ANO3: variants seen among roughly 807,000 people sequenced by gnomAD.
ANO3 encodes anoctamin 3.
In ANO3, 99 loss-of-function variants were observed where a neutral mutation model predicts 144.8. The ratio of observed to expected loss-of-function variants is 0.68; its 90% confidence interval spans 0.58 to 0.81. ANO3 has a LOEUF of 0.81. Ranked by LOEUF, ANO3 falls within the 30% of genes least tolerant of loss-of-function variation. ANO3 has a pLI of 0.00. For missense variants in ANO3, 905 were observed against 1,202.2 expected (o/e 0.75, Z 3.66); for synonymous variants, 414 against 392.6 (o/e 1.05, Z -0.64).
chr11:26,327,752 T>A (rs1391529669), upstream of ANO3, among the ~76,000 whole-genome samples: 1 of 152,220 alleles, frequency 6.6e-6, no homozygotes, highest in Non-Finnish European at 1.5e-5. Flanking sequence ...TAATGTACGA[T>A]GAGTTTGAAC....
chr11:26,571,379 T>C (rs900334409), intron 14 of ANO3, among the ~76,000 whole-genome samples: 6 of 152,282 alleles, frequency 3.9e-5, no homozygotes, highest in Non-Finnish European at 7.4e-5. Context: ...TAAGAAATTT[T>C]ACCACATTTT....
intron 1 of ANO3, among the ~76,000 whole-genome samples, chr11:26,350,585 T>G: frequency 6.6e-6 from 1 of 152,288 alleles, no homozygotes; most frequent in Admixed American, 6.5e-5. Flanking sequence ...TAATTCTGTG[T>G]TTAAGTGAAT....
chr11:26,436,286 C>T (rs1429252907), intron 1 of ANO3, among the ~76,000 whole-genome samples: 1 of 152,216 alleles, frequency 6.6e-6, no homozygotes, highest in Non-Finnish European at 1.5e-5. Flanking sequence ...GCCCCTCACA[C>T]CAGGAGCTTT....
intron 1 of ANO3, among the ~76,000 whole-genome samples, chr11:26,293,308 A>T (rs755467468): frequency 3.2e-4 from 49 of 151,876 alleles, no homozygotes; most frequent in Non-Finnish European, 4.9e-4. Flanking sequence ...TTGAAAAAAT[A>T]TATAAATAGA....
intron 17 of ANO3, among the ~76,000 whole-genome samples, chr11:26,623,879 C>T (rs1048248651): frequency 3.3e-5 from 5 of 152,068 alleles, no homozygotes; most frequent in African/African-American, 9.7e-5. Flanking sequence ...TTCTGCCTCC[C>T]GGTTTCACGT....
At chr11:26,437,893 A>G (rs1025137352) in intron 1 of ANO3, among the ~76,000 whole-genome samples, 3 of 152,232 alleles carry the variant, frequency 2.0e-5, no homozygotes, top group African/African-American at 7.2e-5. Flanking sequence ...AAAACAATTA[A>G]TCAAGACAAA....
At chr11:26,293,098 T>G (rs1214553436) in intron 1 of ANO3, among the ~76,000 whole-genome samples, 1 of 152,194 alleles carries the variant, frequency 6.6e-6, no homozygotes, top group Non-Finnish European at 1.5e-5. Context: ...CAGCTTCACT[T>G]TAATCCAAAT....
intron 1 of ANO3, among the ~76,000 whole-genome samples, chr11:26,435,020 T>A (rs767037242): frequency 5.8e-4 from 88 of 152,296 alleles, no homozygotes; most frequent in Admixed American, 1.2e-3. Context: ...AGGGTAGTGT[T>A]AAAGACTCCC....
Position 26,285,761 on chromosome 11 carries a change from GAC to G in ANO3, c.155-23883_155-23882del, listed in dbSNP as rs1319679170. ...TGGTTTCAGATACAATGATGGGGCT[GAC>G]CTGGGTGTCCCTTCCCTTTGTCATA... is the stretch of plus-strand genomic sequence containing the variant. On this transcript the variant is annotated intron_variant, in intron 1 of 27. Transcript: ENST00000672621. 8 of 152,168 alleles carry G rather than the reference GAC, an allele frequency of 5.3e-5. No homozygotes were observed. The East Asian group carries it at 1.3e-3, about 26-fold the overall frequency. The allele number at this position is 152,168 out of a possible 1,614,324, so 9.4% of individuals were successfully genotyped here.
chr11:26,630,396 A>G (rs1852737947), intron 18 of ANO3, among the ~76,000 whole-genome samples: 1 of 152,240 alleles, frequency 6.6e-6, no homozygotes. Flanking sequence ...AGTTGGCCAC[A>G]TAGATTCCTT....
At chr11:26,302,392 G>T (rs1854255732) in intron 1 of ANO3, among the ~76,000 whole-genome samples, 2 of 152,156 alleles carry the variant, frequency 1.3e-5, no homozygotes, top group African/African-American at 4.8e-5. Context: ...TTACTCAGGA[G>T]GCTGAGGCAG....
At chr11:26,302,032 AC>A (rs1854245397) in intron 1 of ANO3, among the ~76,000 whole-genome samples, 1 of 152,244 alleles carries the variant, frequency 6.6e-6, no homozygotes, top group African/African-American at 2.4e-5. Flanking sequence ...GCTACAAGGT[AC>A]TAGGCAGAGA....
chr11:26,362,538 G>T (rs1855955628), intron 1 of ANO3, among the ~76,000 whole-genome samples: 1 of 152,096 alleles, frequency 6.6e-6, no homozygotes, highest in Admixed American at 6.5e-5. Flanking sequence ...ATGGTGGCTA[G>T]GGCTGACCCC....
intron 1 of ANO3, among the ~76,000 whole-genome samples, chr11:26,263,505 A>T (rs1853240860): frequency 6.6e-6 from 1 of 152,136 alleles, no homozygotes; most frequent in South Asian, 2.1e-4. Flanking sequence ...TCCCAGTGTT[A>T]TTCATCTCTG....
chr11:26,295,107 G>C (rs1374939443), intron 1 of ANO3, among the ~76,000 whole-genome samples: 1 of 151,550 alleles, frequency 6.6e-6, no homozygotes, highest in Non-Finnish European at 1.5e-5. Flanking sequence ...GTAGAGATGG[G>C]GTTTCACCAT....
chr11:26,271,224 G>A (rs1853432518), intron 1 of ANO3, among the ~76,000 whole-genome samples: 1 of 152,204 alleles, frequency 6.6e-6, no homozygotes, highest in African/African-American at 2.4e-5. Context: ...TAAGAAATGT[G>A]TTGCGTAAGT....
chr11:26,356,535 TATA>T (rs1166743613), intron 1 of ANO3, among the ~76,000 whole-genome samples: 5 of 152,238 alleles, frequency 3.3e-5, no homozygotes, highest in Admixed American at 2.6e-4. Context: ...TTTCACTCAA[TATA>T]ATGCTTTTTA....
At chr11:26,623,662 C>T (rs1042380583) in intron 17 of ANO3, among the ~76,000 whole-genome samples, 22 of 151,868 alleles carry the variant, frequency 1.4e-4, no homozygotes, top group South Asian at 4.1e-4. Flanking sequence ...CAAATATATA[C>T]GGTCTTTTAT....
intron 1 of ANO3, among the ~76,000 whole-genome samples, chr11:26,396,546 A>C (rs1857018237): frequency 6.6e-6 from 1 of 152,162 alleles, no homozygotes; most frequent in Non-Finnish European, 1.5e-5. Context: ...AACCAACCCA[A>C]ATGCCCATCA....
Sources: gnomAD v4.1 joint callset for allele counts (sites outside exome capture counted in the v4.1 genomes callset) on GRCh38, gnomAD v4.1.1 for gene constraint, MANE v1.5 for transcripts, NCBI Gene and HGNC (gene_info 2026-07-23, HGNC 2026-07-21) for gene names.